Variants in DCUN1D4 observed in about 807,000 individuals in gnomAD.
The protein encoded by DCUN1D4 is defective in cullin neddylation 1 domain containing 4, also known as DCN1-like protein 4.
In DCUN1D4, 22 loss-of-function variants were observed where a neutral mutation model predicts 47.9. The ratio of observed to expected loss-of-function variants is 0.46; its 90% CI spans 0.33 to 0.66. The LOEUF is 0.66. DCUN1D4 is among the 30% of genes least tolerant of loss of function. The pLI, the probability that DCUN1D4 is intolerant of heterozygous loss-of-function variation, is 0.02. For synonymous variants in DCUN1D4, 121 were observed against 112.2 expected (o/e 1.08, Z -0.50); for missense variants, 301 against 340.8 (o/e 0.88, Z 0.92).
chr4:51,836,762 C>A, the DCUN1D4 span, among the ~76,000 whole-genome samples: 1 of 152,196 alleles, frequency 6.6e-6, no homozygotes. Flanking sequence ...CTCTTCCCTC[C>A]CCCATTTCCT....
chr4:51,895,559 TAAAAAAA>T (rs67542268), intron 7 of DCUN1D4, among the ~76,000 whole-genome samples: 11,734 of 88,788 alleles, frequency 0.13, 579 homozygotes, highest in Non-Finnish European at 0.15. Flanking sequence ...TGCTTAAACT[TAAAAAAA>T]AAAAAAAAAA....
intron 3 of DCUN1D4, 78 bp downstream of exon 3, chr4:51,863,787 G>A (rs995847135): frequency 3.6e-5 from 51 of 1,426,064 alleles, no homozygotes; most frequent in African/African-American, 1.7e-4. Context: ...CTATGAATGC[G>A]CTATGTTGTC....
intron 1 of DCUN1D4, among the ~76,000 whole-genome samples, chr4:51,853,446 G>T (rs1723662186): frequency 6.6e-6 from 1 of 152,148 alleles, no homozygotes; most frequent in South Asian, 2.1e-4. Context: ...CTGCTTTTCA[G>T]CTCTGCAATC....
chr4:51,895,287 C>A (rs1455050378), intron 7 of DCUN1D4, among the ~76,000 whole-genome samples: 1 of 151,560 alleles, frequency 6.6e-6, no homozygotes, highest in African/African-American at 2.4e-5. Flanking sequence ...TTAATCATTT[C>A]TGTCATTTCC....
chr4:51,902,691 T>C (rs763924515), intron 8 of DCUN1D4, among the ~76,000 whole-genome samples: 18 of 152,188 alleles, frequency 1.2e-4, no homozygotes, highest in African/African-American at 4.1e-4. Context: ...CAATATGTGT[T>C]TTAACTGGGA....
chr4:51,848,221 A>G, intron 1 of DCUN1D4: 13 of 1,289,334 alleles, frequency 1.0e-5, no homozygotes, highest in Non-Finnish European at 1.3e-5. Context: ...GTTTTAGAGA[A>G]TGTGGCGTGG....
intron 8 of DCUN1D4, among the ~76,000 whole-genome samples, chr4:51,910,116 TA>T (rs898637733): frequency 6.6e-6 from 1 of 152,150 alleles, no homozygotes; most frequent in African/African-American, 2.4e-5. Flanking sequence ...TCTCCCTTTG[TA>T]AAAAACTACT....
In DCUN1D4 at chr4:51,843,191, G is replaced by A. The variant is rs1041220435; in HGVS notation, c.-52G>A. ...GGTGCAGTGAGCTGGTGGGGGGACC[G>A]CGAGGCGAGCGCGGGAGCCTGGGCG... On this transcript the variant is annotated 5_prime_UTR_variant, in exon 1 of 11. Coordinates refer to ENST00000334635, the MANE Select transcript of DCUN1D4 (RefSeq NM_001040402.3). 2.6e-6 allele frequency: 4 copies of A among 1,536,284 alleles called. No individual in the cohort carries two copies. In the African/African-American group the frequency reaches 5.6e-5, roughly 21 times the overall value.
intron 1 of DCUN1D4, among the ~76,000 whole-genome samples, chr4:51,859,031 T>C (rs1337820910): frequency 6.6e-6 from 1 of 152,198 alleles, no homozygotes; most frequent in East Asian, 1.9e-4. Flanking sequence ...CTAACATGTT[T>C]ATTTCTCCAG....
At chr4:51,866,650 G>A (rs1725979841) in intron 3 of DCUN1D4, among the ~76,000 whole-genome samples, 1 of 151,956 alleles carries the variant, frequency 6.6e-6, no homozygotes, top group Non-Finnish European at 1.5e-5. Flanking sequence ...ATAACTTTTG[G>A]ACCAGTTTTA....
upstream of DCUN1D4, among the ~76,000 whole-genome samples, chr4:51,842,249 G>A (rs1028186806): frequency 7.2e-5 from 11 of 152,094 alleles, no homozygotes; most frequent in Admixed American, 7.2e-4. Context: ...TCACGGGCTG[G>A]TGGTCTGCCC....
intron 1 of DCUN1D4, chr4:51,843,667 C>G (rs1277512450): frequency 2.5e-6 from 3 of 1,216,666 alleles, no homozygotes; most frequent in Non-Finnish European, 2.0e-6. Context: ...AGGGAGGGAG[C>G]GAGCGAGCGA....
chr4:51,866,232 G>A (rs969012740), intron 3 of DCUN1D4, among the ~76,000 whole-genome samples: 12 of 152,102 alleles, frequency 7.9e-5, no homozygotes, highest in East Asian at 3.8e-4. Context: ...CAGTATATTC[G>A]CATAGTTTTG....
At chr4:51,845,047 T>C in intron 1 of DCUN1D4, 1 of 985,448 alleles carries the variant, frequency 1.0e-6, no homozygotes. Flanking sequence ...CAAGTGAATT[T>C]CCCCCTGCAT....
chr4:51,848,526 T>G (rs564878965), intron 1 of DCUN1D4, among the ~76,000 whole-genome samples: 1 of 152,238 alleles, frequency 6.6e-6, no homozygotes, highest in African/African-American at 2.4e-5. Context: ...TTGATGAATC[T>G]GACATAAATG....
At chr4:51,878,212 G>A (rs1026810601) in intron 5 of DCUN1D4, among the ~76,000 whole-genome samples, 1 of 152,158 alleles carries the variant, frequency 6.6e-6, no homozygotes, top group Non-Finnish European at 1.5e-5. Flanking sequence ...TTAGTGCAGT[G>A]AAATTTCTTT....
chr4:51,861,721 T>G (rs1725076456), intron 1 of DCUN1D4, among the ~76,000 whole-genome samples: 3 of 152,108 alleles, frequency 2.0e-5, no homozygotes, highest in Non-Finnish European at 4.4e-5. Context: ...AGAGTTTAAC[T>G]TCATATTTTA....
At chr4:51,874,236 A>G (rs759385196) in intron 3 of DCUN1D4, 35 bp from the exon 4 acceptor site, 9 of 1,445,572 alleles carry the variant, frequency 6.2e-6, no homozygotes, top group South Asian at 3.5e-5. Flanking sequence ...GATGTAGCAT[A>G]CCTTAATTTT....
chr4:51,855,914 C>T (rs760858137), intron 1 of DCUN1D4, among the ~76,000 whole-genome samples: 4 of 152,196 alleles, frequency 2.6e-5, no homozygotes, highest in African/African-American at 7.2e-5. Flanking sequence ...CTCCCAACCA[C>T]AGTGCAGCCT....
Sources: allele counts gnomAD v4.1 joint callset (sites outside exome capture counted in the v4.1 genomes callset), GRCh38; gene constraint gnomAD v4.1.1; transcripts MANE v1.5; gene names NCBI Gene and HGNC (gene_info 2026-07-23, HGNC 2026-07-21).